RABGEF1: variants seen among roughly 807,000 people sequenced by gnomAD.
The protein encoded by RABGEF1 is RAB guanine nucleotide exchange factor 1.
Under a neutral mutation model 57.3 loss-of-function variants are expected in RABGEF1, and 26 were observed. The ratio of observed to expected loss-of-function variants is 0.45; its 90% CI spans 0.33 to 0.63. The LOEUF (loss-of-function observed/expected upper bound fraction) is 0.63. Ranked by LOEUF, RABGEF1 falls within the 20% of genes least tolerant of loss-of-function variation. RABGEF1 has a pLI of 0.02. For synonymous variants in RABGEF1, 185 were observed against 210.7 expected, an observed-to-expected ratio of 0.88 and a Z score of 1.06; for missense variants, 464 against 607.6, an observed-to-expected ratio of 0.76 and a Z score of 2.48.
At position 66,789,817 on chromosome 7, in the gene RABGEF1, G is replaced by A. The variant is rs1361429477; in HGVS notation, c.514-5694G>A. On this transcript the variant is annotated intron_variant, in intron 4 of 8. Transcript: ENST00000284957. ...TAAATCATCATCCTGGGGCAGCCGT[G>A]GTGGCTCCATGCGTGAGGCTGGTGC... Among the ~76,000 whole-genome samples, 3 of 152,058 alleles carry A rather than the reference G, an allele frequency of 2.0e-5. No homozygotes were observed. The South Asian group carries it at 6.2e-4, about 31-fold the overall frequency.
At position 66,809,415 on chromosome 7, in the gene RABGEF1, G is replaced by A; in HGVS notation, c.*131G>A. 9.7e-7 allele frequency: 1 copy of A among 1,027,558 alleles called. No homozygotes were observed. The highest frequency in any genetic ancestry group is 1.3e-6 in the Non-Finnish European group (1 of 742,728). 63.7% of individuals were successfully genotyped at this position (1,027,558 alleles called of 1,614,324 possible). Reference sequence around the variant, plus strand: ...GCATTTTTTAAAGGTACAGTATATGGGGATTGTTTCGTTTTTCCTAGCAGG... The same window carrying A: ...GCATTTTTTAAAGGTACAGTATATGAGGATTGTTTCGTTTTTCCTAGCAGG... On this transcript the variant is annotated 3_prime_UTR_variant, in exon 9 of 9. Transcript: ENST00000284957.
chr7:66,668,549 G>C, the RABGEF1 span, among the ~76,000 whole-genome samples: 1 of 152,174 alleles, frequency 6.6e-6, no homozygotes, highest in African/African-American at 2.4e-5. Context: ...CTCTGGAGAG[G>C]GGGGGATTGG....
chr7:66,672,410 A>G, the RABGEF1 span, among the ~76,000 whole-genome samples: 1 of 152,156 alleles, frequency 6.6e-6, no homozygotes, highest in African/African-American at 2.4e-5. Context: ...CCAGCCTGGG[A>G]GACAGAGCGA....
chr7:66,695,922 C>T (rs1792255531), intron 1 of RABGEF1, among the ~76,000 whole-genome samples: 1 of 151,210 alleles, frequency 6.6e-6, no homozygotes, highest in Non-Finnish European at 1.5e-5. Context: ...GCTGAGATCG[C>T]ACCACCGTAC....
chr7:66,784,010 G>A (rs1429364528), intron 4 of RABGEF1, among the ~76,000 whole-genome samples, 169 bp downstream of exon 4: 1 of 152,176 alleles, frequency 6.6e-6, no homozygotes, highest in Non-Finnish European at 1.5e-5. Context: ...CCAACTCTTA[G>A]GCTAGTACTT....
chr7:66,754,129 G>A lies in RABGEF1; in HGVS notation c.-18+13337G>A, dbSNP rs774937914. On this transcript the variant is annotated intron_variant, in intron 1 of 8. Coordinates refer to ENST00000284957, the MANE Select transcript of RABGEF1 (RefSeq NM_014504.3). ...GCGATTCTCCTGCCTCACCTCCCGC[G>A]TAGCTGGGACTACAGGCGCCCTCCA... 2.2e-4 allele frequency among the ~76,000 whole-genome samples: 33 copies of A among 149,986 alleles called. 1 individual carries two copies. Among genetic ancestry groups the A allele is most frequent in the Non-Finnish European group, 3.3e-4 (22 of 67,384 alleles).
rs192382827 is a variant in RABGEF1, at chr7:66,705,449, G to A, written c.-872-6718G>A. Among the ~76,000 whole-genome samples the A allele has an allele frequency of 2.7e-3, 257 of 93,530 alleles. 7 individuals carry two copies. The highest frequency in any genetic ancestry group is 3.7e-3 in the African/African-American group (97 of 26,398). 61.4% of individuals were successfully genotyped at this position (93,530 alleles called of 152,430 possible). ...GAAACTCCATCTCGAAAGAAAGAGA[G>A]AGAGAGAGAGAGAGAGAGAGAGAGA... On this transcript the variant is annotated intron_variant and NMD_transcript_variant, in intron 1 of 9. Coordinates refer to the RABGEF1 transcript ENST00000607882.
chr7:66,763,942 C>G (rs1322950680), intron 1 of RABGEF1, among the ~76,000 whole-genome samples: 1 of 152,162 alleles, frequency 6.6e-6, no homozygotes, highest in African/African-American at 2.4e-5. Flanking sequence ...CTGATATAAA[C>G]ATTCACGTAC....
intron 1 of RABGEF1, among the ~76,000 whole-genome samples, chr7:66,703,469 A>G (rs190692543): frequency 6.6e-5 from 10 of 152,294 alleles, no homozygotes; most frequent in Admixed American, 6.5e-4. Flanking sequence ...ATGTCAGGTA[A>G]AGATACATGA....
intron 2 of RABGEF1, among the ~76,000 whole-genome samples, chr7:66,724,229 ATCT>A (rs1278155080): frequency 1.3e-5 from 2 of 152,142 alleles, no homozygotes; most frequent in Admixed American, 6.5e-5. Context: ...AGTAATTCTT[ATCT>A]TTGTTCCTTC....
intron 1 of RABGEF1, among the ~76,000 whole-genome samples, chr7:66,688,085 C>CA (rs60925853): frequency 0.54 from 58,325 of 108,478 alleles, 15,237 homozygotes; most frequent in African/African-American, 0.61. Flanking sequence ...AACTCTGTGT[C>CA]AAAAAAAAAA....
rs139244488 is a variant in RABGEF1 at position 66,708,532 on chromosome 7, G to A, written c.-872-3635G>A. On this transcript the variant is annotated intron_variant and NMD_transcript_variant, in intron 1 of 9. Coordinates refer to the RABGEF1 transcript ENST00000607882. ...TCGAACTCCTGACCTCAAGTGATCC[G>A]TCCACCTCTACCTCCCAAAGTGCTA... Among the ~76,000 whole-genome samples the A allele has an allele frequency of 6.9e-3, 1,057 of 152,180 alleles. 12 individuals carry two copies. Among genetic ancestry groups the A allele is most frequent in the African/African-American group, 0.024 (1,016 of 41,522 alleles).
intron 3 of RABGEF1, among the ~76,000 whole-genome samples, chr7:66,781,426 T>C (rs1809875578): frequency 6.6e-6 from 1 of 152,222 alleles, no homozygotes; most frequent in Non-Finnish European, 1.5e-5. Context: ...TTTTGTTACA[T>C]AGGTATATAC....
At chr7:66,742,801 C>A (rs1440337448) in intron 1 of RABGEF1, among the ~76,000 whole-genome samples, 1 of 152,088 alleles carries the variant, frequency 6.6e-6, no homozygotes, top group Admixed American at 6.6e-5. Flanking sequence ...AAGATGTTGT[C>A]TTGCTGTGTT....
At chr7:66,779,294 G>A (rs536775338) in intron 3 of RABGEF1, among the ~76,000 whole-genome samples, 3 of 150,704 alleles carry the variant, frequency 2.0e-5, no homozygotes, top group South Asian at 2.1e-4. Context: ...ACCTAAGGTC[G>A]GGAGTTCGAG....
At chr7:66,685,207 T>A (rs1371420240) in intron 1 of RABGEF1, among the ~76,000 whole-genome samples, 1 of 134,950 alleles carries the variant, frequency 7.4e-6, no homozygotes, top group Non-Finnish European at 1.5e-5. Context: ...TGGGCTAGAG[T>A]GCAGTGGTTT....
chr7:66,801,461 G>A (rs1251487409), intron 7 of RABGEF1, among the ~76,000 whole-genome samples: 1 of 152,036 alleles, frequency 6.6e-6, no homozygotes, highest in Non-Finnish European at 1.5e-5. Flanking sequence ...CCCCTGTCGT[G>A]CTAGCAAATA....
chr7:66,730,298 G>A (rs780475696), intron 2 of RABGEF1, among the ~76,000 whole-genome samples: 1 of 152,186 alleles, frequency 6.6e-6, no homozygotes, highest in Non-Finnish European at 1.5e-5. Context: ...GTCACTCACT[G>A]TTTCTGCTGA....
intron 1 of RABGEF1, among the ~76,000 whole-genome samples, chr7:66,711,072 A>G (rs921051186): frequency 6.6e-6 from 1 of 152,218 alleles, no homozygotes; most frequent in East Asian, 1.9e-4. Context: ...AGGTGGAAGG[A>G]TCACTTGAGC....
Sources: allele counts gnomAD v4.1 joint callset (sites outside exome capture counted in the v4.1 genomes callset), GRCh38; gene constraint gnomAD v4.1.1; transcripts MANE v1.5; gene names NCBI Gene and HGNC (gene_info 2026-07-23, HGNC 2026-07-21).